Variants in FHOD3 observed in about 807,000 individuals in gnomAD.
FHOD3 encodes the protein FH1/FH2 domain-containing protein 3.
Under a neutral mutation model 173.0 loss-of-function variants are expected in FHOD3, and 90 were observed. The ratio of observed to expected loss-of-function variants is 0.52; its 90% CI spans 0.44 to 0.62. The LOEUF (loss-of-function observed/expected upper bound fraction) is 0.62. FHOD3 is among the 20% of genes least tolerant of loss of function. FHOD3 has a pLI of 0.00. For missense variants in FHOD3, 1,945 were observed against 2,034.7 expected (o/e 0.96, Z 0.85); for synonymous variants, 828 against 823.0 (o/e 1.01, Z -0.10).
rs779504055 is a variant in FHOD3, at chr18:36,594,794, T to A, written c.614T>A (p.Leu205Gln). The change falls in exon 7 of 29, where the codon CTG (leucine) becomes CAG (glutamine). Residue 205 changes from leucine (L) to glutamine (Q), a missense_variant. Physicochemically the swap from Leu to Gln is moderately radical, Grantham distance 113. This residue lies in a region of FHOD3 where 245 missense variants were observed against 267.7 expected (regional missense o/e 0.92). Coordinates refer to ENST00000590592, the MANE Select transcript of FHOD3 (RefSeq NM_001281740.3). ...LYTLIGSKFR[L>Q]VVKTALKLLL... ...TTTTATCTCTTCTGCCAGTTCCGCCTGGTGGTGAAGACAGCCCTGAAGCTG... is the reference window on the plus strand; with the variant it reads ...TTTTATCTCTTCTGCCAGTTCCGCCAGGTGGTGAAGACAGCCCTGAAGCTG... 2 of 1,613,016 alleles carry A rather than the reference T, an allele frequency of 1.2e-6. No homozygotes were observed. The highest frequency in any genetic ancestry group is 3.3e-5 in the Admixed American group (2 of 59,958).
At chr18:36,420,013 G>A (rs564322772) in intron 3 of FHOD3, among the ~76,000 whole-genome samples, 267 of 152,226 alleles carry the variant, frequency 1.8e-3, no homozygotes, top group Non-Finnish European at 3.1e-3. Context: ...CCTCCCAACC[G>A]GCTACCCTGC....
intron 5 of FHOD3, among the ~76,000 whole-genome samples, chr18:36,559,751 C>T (rs1476557813): frequency 2.0e-5 from 3 of 152,122 alleles, no homozygotes; most frequent in South Asian, 4.1e-4. Context: ...GTTAAAATAA[C>T]TTCCCTGTGC....
intron 10 of FHOD3, among the ~76,000 whole-genome samples, chr18:36,629,358 A>G (rs1171065635): frequency 1.3e-5 from 2 of 152,206 alleles, no homozygotes; most frequent in Admixed American, 1.3e-4. Context: ...TGAATTTTAC[A>G]TGTCATGAAA....
intron 3 of FHOD3, among the ~76,000 whole-genome samples, chr18:36,373,437 T>G (rs551772804): frequency 0.038 from 313 of 8,212 alleles, no homozygotes; most frequent in Non-Finnish European, 0.052. Flanking sequence ...TGAGTCCTAG[T>G]CTATACCCGA....
At chr18:36,346,798 GA>G (rs948759390) in intron 1 of FHOD3, among the ~76,000 whole-genome samples, 18 of 152,262 alleles carry the variant, frequency 1.2e-4, no homozygotes, top group African/African-American at 4.1e-4. Flanking sequence ...TATTGCCCTA[GA>G]ATCAAGTCTA....
intron 17 of FHOD3, among the ~76,000 whole-genome samples, chr18:36,701,293 TAATA>T (rs1026425393): frequency 6.6e-6 from 1 of 152,116 alleles, no homozygotes; most frequent in African/African-American, 2.4e-5. Flanking sequence ...TTGGTATAAT[TAATA>T]GAGAGGAAAC....
chr18:36,763,999 G>A (rs1171295809), intron 27 of FHOD3, among the ~76,000 whole-genome samples: 5 of 152,120 alleles, frequency 3.3e-5, no homozygotes, highest in African/African-American at 4.8e-5. Flanking sequence ...TTATGCTTTG[G>A]CAATGAAAAG....
chr18:36,395,741 T>C (rs1452361820), intron 3 of FHOD3, among the ~76,000 whole-genome samples: 9 of 150,656 alleles, frequency 6.0e-5, no homozygotes, highest in Admixed American at 5.9e-4. Context: ...GTTACTCTTA[T>C]GAATTTTTTT....
At position 36,581,629 on chromosome 18, in the gene FHOD3, G is replaced by A. The variant is rs145241478; in HGVS notation, c.606+5084G>A. Among the ~76,000 whole-genome samples, 280 of 152,236 alleles carry A rather than the reference G, an allele frequency of 1.8e-3. 3 individuals carry two copies. The highest frequency in any genetic ancestry group is 6.3e-3 in the African/African-American group (263 of 41,548). On this transcript the variant is annotated intron_variant, in intron 6 of 28. Coordinates refer to ENST00000590592, the MANE Select transcript of FHOD3 (RefSeq NM_001281740.3). ...GGTGTGCAGGCCTCCCTACTCCTAT[G>A]TAGGCCTATCTGGAGGAGCCCTGGC... is the stretch of plus-strand genomic sequence containing the variant.
At position 36,652,753 on chromosome 18, in the gene FHOD3, AC is replaced by A. The variant is rs2036149398; in HGVS notation, c.1475del (p.Pro492LeufsTer15). The A allele has an allele frequency of 6.5e-7, 1 of 1,533,936 alleles. No homozygotes were observed. The highest frequency in any genetic ancestry group is 2.0e-5 in the Admixed American group (1 of 50,796). On this transcript the variant is annotated frameshift_variant, in exon 12 of 29. Coordinates refer to ENST00000590592, the MANE Select transcript of FHOD3 (RefSeq NM_001281740.3). LOFTEE classifies it high-confidence loss of function. Reference sequence around the variant, plus strand: ...AGGCCACCCCATCTGCCCTCCTGTCACCCCCTGCCTCAGCTGCTCGGCCCTC... The same window carrying A: ...AGGCCACCCCATCTGCCCTCCTGTCACCCCTGCCTCAGCTGCTCGGCCCTC... ...SEATPSALLS[P>X]PASAARPSSA...
At chr18:36,733,039 C>T (rs548364982) in intron 20 of FHOD3, among the ~76,000 whole-genome samples, 1 of 152,338 alleles carries the variant, frequency 6.6e-6, no homozygotes, top group Admixed American at 6.5e-5. Flanking sequence ...GGGAAATTAA[C>T]ATTGCCGACC....
At chr18:36,659,938 G>C (rs2036671140) in intron 14 of FHOD3, among the ~76,000 whole-genome samples, 1 of 152,164 alleles carries the variant, frequency 6.6e-6, no homozygotes, top group South Asian at 2.1e-4. Context: ...GTGCCCCTGG[G>C]GATAAGGAGG....
intron 6 of FHOD3, among the ~76,000 whole-genome samples, chr18:36,587,457 G>A (rs1216620825): frequency 2.6e-5 from 4 of 152,150 alleles, no homozygotes; most frequent in African/African-American, 9.7e-5. Context: ...GATTTCCGGG[G>A]TAACACAACC....
At chr18:36,311,484 C>T (rs543838064) in intron 1 of FHOD3, among the ~76,000 whole-genome samples, 7 of 152,306 alleles carry the variant, frequency 4.6e-5, no homozygotes, top group Admixed American at 2.6e-4. Context: ...ATGAAATCTT[C>T]GGACAGTAGC....
At chr18:36,449,292 T>C (rs1283419068) in intron 3 of FHOD3, among the ~76,000 whole-genome samples, 1 of 136,834 alleles carries the variant, frequency 7.3e-6, no homozygotes, top group Admixed American at 6.9e-5. Flanking sequence ...AAATATTTGT[T>C]ATTCTTATGA....
chr18:36,537,846 A>G (rs1329218383), intron 5 of FHOD3, among the ~76,000 whole-genome samples: 1 of 152,186 alleles, frequency 6.6e-6, no homozygotes, highest in Non-Finnish European at 1.5e-5. Flanking sequence ...ACCAGGATCT[A>G]ATCACCATCT....
intron 3 of FHOD3, among the ~76,000 whole-genome samples, chr18:36,377,906 A>G (rs1224469278): frequency 6.6e-6 from 1 of 152,170 alleles, no homozygotes; most frequent in Non-Finnish European, 1.5e-5. Flanking sequence ...GCATTCCACA[A>G]GAAGCTGCTT....
chr18:36,563,538 C>T (rs1413102319), intron 5 of FHOD3, among the ~76,000 whole-genome samples: 2 of 152,184 alleles, frequency 1.3e-5, no homozygotes, highest in Non-Finnish European at 2.9e-5. Context: ...GCTAATACAT[C>T]AGCATATTTC....
rs765847121 is a variant in FHOD3 at position 36,372,759 on chromosome 18, C to T, written c.337+15C>T. On this transcript the variant is annotated intron_variant, in intron 3 of 28. Transcript: ENST00000590592. ...TGCCTGCATCGGTGAGTGACACCTGCCCTCAGGAACTAAACATATGATGAA... is the reference window on the plus strand; with the variant it reads ...TGCCTGCATCGGTGAGTGACACCTGTCCTCAGGAACTAAACATATGATGAA... 57 of 1,609,830 alleles carry T rather than the reference C, an allele frequency of 3.5e-5. No individual in the cohort carries two copies. Among genetic ancestry groups the T allele is most frequent in the Non-Finnish European group, 4.4e-5 (52 of 1,176,400 alleles).
Sources: allele counts gnomAD v4.1 joint callset (sites outside exome capture counted in the v4.1 genomes callset), GRCh38; gene constraint gnomAD v4.1.1; regional missense constraint gnomAD v4.1.1; transcripts MANE v1.5; gene names NCBI Gene and HGNC (gene_info 2026-07-23, HGNC 2026-07-21).